ZSCAN12: variants seen among roughly 807,000 people sequenced by gnomAD.
ZSCAN12 encodes the protein zinc finger and SCAN domain containing 12.
Under a neutral mutation model 23.4 loss-of-function variants are expected in ZSCAN12, and 18 were observed. The ratio of observed to expected loss-of-function variants is 0.77; its 90% CI spans 0.53 to 1.14. The LOEUF is 1.14. Among genes scored for constraint, ZSCAN12 ranks in the 50% most tolerant of loss-of-function variants. The pLI, the probability that ZSCAN12 is intolerant of heterozygous loss-of-function variation, is 0.00. For synonymous variants in ZSCAN12, 186 were observed against 253.4 expected, an observed-to-expected ratio of 0.73 and a Z score of 2.53; for missense variants, 650 against 735.0, an observed-to-expected ratio of 0.88 and a Z score of 1.34.
In ZSCAN12 at chr6:28,387,309, A is replaced by G. The variant is rs1581767757; in HGVS notation, c.*3145T>C. The stretch of plus-strand genomic sequence containing the variant: ...ACATATTAAGCAGAAAATGAACTGG[A>G]AAGACCCCAAGTAAAGGCACTCAGA... On this transcript the variant is annotated 3_prime_UTR_variant, in exon 4 of 4. Coordinates refer to ENST00000684592, the MANE Select transcript of ZSCAN12 (RefSeq NM_001163391.2). 6.6e-6 allele frequency among the ~76,000 whole-genome samples: 1 copy of G among 152,356 alleles called. No homozygotes were observed. Among genetic ancestry groups the G allele is most frequent in the African/African-American group, 2.4e-5 (1 of 41,588 alleles).
At chr6:28,398,596 A>C (rs868725506) in intron 1 of ZSCAN12, 123 bp from the exon 2 acceptor site, 12 of 542,976 alleles carry the variant, frequency 2.2e-5, no homozygotes, top group Admixed American at 3.4e-5. Flanking sequence ...TTACTCAGAA[A>C]AATACTCTGA....
chr6:28,379,826 T>A (rs944790643), downstream of ZSCAN12: 2 of 151,982 alleles, frequency 1.3e-5, no homozygotes, highest in Non-Finnish European at 2.9e-5. Context: ...GAAAATAATA[T>A]ATATATATTT....
downstream of ZSCAN12, chr6:28,382,359 C>T: frequency 7.4e-7 from 1 of 1,345,620 alleles, no homozygotes; most frequent in Non-Finnish European, 9.6e-7. Flanking sequence ...AGTCTTCTGA[C>T]AGCTCTGTAA....
In ZSCAN12 at chr6:28,390,005, TA is replaced by T. The variant is rs1397982011; in HGVS notation, c.*448del. Among the ~76,000 whole-genome samples, 1 of 152,194 alleles carries T rather than the reference TA, an allele frequency of 6.6e-6. No individual in the cohort carries two copies. The highest frequency in any genetic ancestry group is 1.5e-5 in the Non-Finnish European group (1 of 68,028). ...GATGCTTCCAAACCACATGCACTCT[TA>T]TGATGGCTTACATTTGTTTTACCCG... On this transcript the variant is annotated 3_prime_UTR_variant, in exon 4 of 4. Transcript: ENST00000684592.
rs930289666 is a variant in ZSCAN12, at chr6:28,386,110, G to C, written c.*4344C>G. On this transcript the variant is annotated 3_prime_UTR_variant, in exon 4 of 4. Coordinates refer to ENST00000684592, the MANE Select transcript of ZSCAN12 (RefSeq NM_001163391.2). ...CCACTGCACTCTCTGGAATCAGTTTGATTGTCAGGTTACGTTTTCATTCAT... is the reference window on the plus strand; with the variant it reads ...CCACTGCACTCTCTGGAATCAGTTTCATTGTCAGGTTACGTTTTCATTCAT... Among the ~76,000 whole-genome samples the C allele has an allele frequency of 6.6e-6, 1 of 152,110 alleles. No individual in the cohort carries two copies. Among genetic ancestry groups the C allele is most frequent in the African/African-American group, 2.4e-5 (1 of 41,412 alleles).
rs960009469 is a variant in ZSCAN12 at position 28,389,588 on chromosome 6, G to A, written c.*866C>T. Among the ~76,000 whole-genome samples the A allele has an allele frequency of 1.6e-4, 25 of 152,196 alleles. No homozygotes were observed. The highest frequency in any genetic ancestry group is 6.0e-4 in the African/African-American group (25 of 41,454). On this transcript the variant is annotated 3_prime_UTR_variant, in exon 4 of 4. Transcript: ENST00000684592. ...CATCCTAGGCCTAATGAAGCAGAAT[G>A]TGAGTGGGATTCAGGGATGTTAAAC... is the stretch of plus-strand genomic sequence containing the variant.
downstream of ZSCAN12, chr6:28,382,337 C>T (rs985716595): frequency 5.2e-5 from 66 of 1,274,384 alleles, no homozygotes; most frequent in Non-Finnish European, 4.5e-5. Context: ...CCAATGCTGG[C>T]AAACCTTCCC....
rs140117745 is a variant in ZSCAN12, at chr6:28,389,389, G to T, written c.*1065C>A. ...AAAGAGCTGATGGCACATGTTCCCT[G>T]TAAGGATCTCCTTGTGCTAAAAGTC... On this transcript the variant is annotated 3_prime_UTR_variant, in exon 4 of 4. Coordinates refer to ENST00000684592, the MANE Select transcript of ZSCAN12 (RefSeq NM_001163391.2). 1.3e-5 allele frequency among the ~76,000 whole-genome samples: 2 copies of T among 152,304 alleles called. No homozygotes were observed. Among genetic ancestry groups the T allele is most frequent in the East Asian group, 3.9e-4 (2 of 5,184 alleles).
At chr6:28,394,675 T>G (rs1761017585) in intron 2 of ZSCAN12, among the ~76,000 whole-genome samples, 2 of 152,188 alleles carry the variant, frequency 1.3e-5, no homozygotes, top group South Asian at 4.1e-4. Context: ...TCAGCACATT[T>G]AAAACCAAAT....
chr6:28,391,939 C>T lies in ZSCAN12; in HGVS notation c.548-197G>A, dbSNP rs537073273. Among the ~76,000 whole-genome samples the T allele has an allele frequency of 1.3e-5, 2 of 152,092 alleles. No individual in the cohort carries two copies. The highest frequency in any genetic ancestry group is 3.9e-4 in the East Asian group (2 of 5,190). On this transcript the variant is annotated intron_variant, in intron 3 of 3. Coordinates refer to ENST00000684592, the MANE Select transcript of ZSCAN12 (RefSeq NM_001163391.2). The surrounding 1 kb of genome is among the most constrained non-coding windows in gnomAD (Gnocchi z 4.1). ...GGAAGGACACACGAAAAATTAGTAACAGTTACAACCTATTTCAGAGTAGGA... is the reference window on the plus strand; with the variant it reads ...GGAAGGACACACGAAAAATTAGTAATAGTTACAACCTATTTCAGAGTAGGA...
chr6:28,383,149 A>T (rs772981305), downstream of ZSCAN12, among the ~76,000 whole-genome samples: 1 of 152,186 alleles, frequency 6.6e-6, no homozygotes, highest in Non-Finnish European at 1.5e-5. Flanking sequence ...TCTTGTACTC[A>T]GCGTCGATCT....
rs932343963 is a variant in ZSCAN12, at chr6:28,389,443, G to A, written c.*1011C>T. On this transcript the variant is annotated 3_prime_UTR_variant, in exon 4 of 4. Coordinates refer to ENST00000684592, the MANE Select transcript of ZSCAN12 (RefSeq NM_001163391.2). ...AGTGGCCTTTAGTTTATAGGACTGT[G>A]TTCAGGCTTCCCCACTTCGCAGACA... Among the ~76,000 whole-genome samples the A allele has an allele frequency of 2.0e-5, 3 of 152,172 alleles. No individual in the cohort carries two copies. Among genetic ancestry groups the A allele is most frequent in the African/African-American group, 4.8e-5 (2 of 41,446 alleles).
chr6:28,381,203 G>A (rs376342878), downstream of ZSCAN12: 3 of 152,184 alleles, frequency 2.0e-5, no homozygotes, highest in East Asian at 5.8e-4. Context: ...GGAATATCAT[G>A]AAACCAAGAG....
At chr6:28,394,076 G>C (rs190392215) in intron 2 of ZSCAN12, among the ~76,000 whole-genome samples, 1 of 152,084 alleles carries the variant, frequency 6.6e-6, no homozygotes, top group African/African-American at 2.4e-5. Flanking sequence ...TCTGACCCTT[G>C]CTCCCTCAGT....
Position 28,398,149 on chromosome 6 carries a change from A to G in ZSCAN12, c.257T>C (p.Leu86Pro). 1 of 1,614,072 alleles carries G rather than the reference A, an allele frequency of 6.2e-7. No individual in the cohort carries two copies. The highest frequency in any genetic ancestry group is 8.5e-7 in the Non-Finnish European group (1 of 1,180,014). Residue 86 changes from leucine to proline, a missense_variant, in exon 2 of 4, where the codon CTG becomes CCG. By Grantham distance (98) the Leu-to-Pro change is moderately conservative. Transcript: ENST00000684592. ...RPETHTKEQI[L>P]ELLVLEQFLT... ...GAACTGCTCCAGCACCAGCAGCTCC[A>G]GAATCTGTTCTTTGGTGTGGGTCTC...
chr6:28,379,286 A>G (rs892934815), exon 5 of ZSCAN12: 16 of 152,316 alleles, frequency 1.1e-4, no homozygotes, highest in South Asian at 6.2e-4. Context: ...TCAATAGGCT[A>G]TACATGAAGT....
chr6:28,392,272 G>A (rs1313427736), intron 3 of ZSCAN12, among the ~76,000 whole-genome samples: 1 of 151,470 alleles, frequency 6.6e-6, no homozygotes, highest in Admixed American at 6.6e-5. Context: ...CCGCCTCCTA[G>A]GTTCAAGCGA....
At chr6:28,397,802 A>C (rs1380251118) in intron 2 of ZSCAN12, among the ~76,000 whole-genome samples, 1 of 152,146 alleles carries the variant, frequency 6.6e-6, no homozygotes. Flanking sequence ...TTTGTAGCTT[A>C]ATAGAGAAAT....
In ZSCAN12 at chr6:28,385,872, G is replaced by C. The variant is rs1002451885; in HGVS notation, c.*4582C>G. Among the ~76,000 whole-genome samples, 2 of 152,166 alleles carry C rather than the reference G, an allele frequency of 1.3e-5. No homozygotes were observed. Among genetic ancestry groups the C allele is most frequent in the Admixed American group, 6.5e-5 (1 of 15,282 alleles). On this transcript the variant is annotated 3_prime_UTR_variant, in exon 4 of 4. Coordinates refer to ENST00000684592, the MANE Select transcript of ZSCAN12 (RefSeq NM_001163391.2). ...TAACAAAAGTGGCTACTTCTGTACT[G>C]AATACAGGAATGCAGACTTGTCTAA...
Sources: allele counts gnomAD v4.1 joint callset (sites outside exome capture counted in the v4.1 genomes callset), GRCh38; gene constraint gnomAD v4.1.1; non-coding constraint Gnocchi (gnomAD v3.1); transcripts MANE v1.5; gene names NCBI Gene and HGNC (gene_info 2026-07-23, HGNC 2026-07-21).